DLG2: variants seen among roughly 807,000 people sequenced by gnomAD.
The protein encoded by DLG2 is discs large MAGUK scaffold protein 2.
In DLG2, 45 loss-of-function variants were observed where a neutral mutation model predicts 132.5. That is an observed-to-expected ratio of 0.34 (90% CI 0.27 to 0.44). The LOEUF (loss-of-function observed/expected upper bound fraction) is 0.44. DLG2 is among the 20% of genes least tolerant of loss of function. The pLI is 1.00. For synonymous variants in DLG2, 424 were observed against 419.6 expected, an observed-to-expected ratio of 1.01 and a Z score of -0.13; for missense variants, 1,045 against 1,196.9, an observed-to-expected ratio of 0.87 and a Z score of 1.87.
At chr11:85,584,047 G>A (rs2078799823) in intron 3 of DLG2, among the ~76,000 whole-genome samples, 4 of 151,876 alleles carry the variant, frequency 2.6e-5, no homozygotes, top group Admixed American at 2.6e-4. Context: ...AAACAGGTGG[G>A]GTTTACTGCA....
chr11:84,274,967 C>A (rs965379027), intron 7 of DLG2, among the ~76,000 whole-genome samples: 3 of 152,140 alleles, frequency 2.0e-5, no homozygotes, highest in Admixed American at 2.0e-4. Context: ...ACCAGCCAGC[C>A]CACAACTTTC....
chr11:85,581,265 C>T (rs2078497695), intron 3 of DLG2, among the ~76,000 whole-genome samples: 1 of 152,236 alleles, frequency 6.6e-6, no homozygotes, highest in South Asian at 2.1e-4. Context: ...CTGGTTGGCT[C>T]CCTTAACTCC....
chr11:83,882,691 G>A (rs975755398), intron 15 of DLG2, among the ~76,000 whole-genome samples: 7 of 152,100 alleles, frequency 4.6e-5, no homozygotes, highest in Non-Finnish European at 7.3e-5. Flanking sequence ...ATTAAGACAT[G>A]CAGGCAGTTT....
intron 12 of DLG2, among the ~76,000 whole-genome samples, chr11:83,973,015 T>C (rs1592128882): frequency 6.6e-6 from 1 of 152,244 alleles, no homozygotes; most frequent in East Asian, 1.9e-4. Context: ...TTTACTCAAA[T>C]TTCTTCTCTA....
At chr11:84,715,405 C>G (rs1326729242) in intron 6 of DLG2, among the ~76,000 whole-genome samples, 1 of 151,954 alleles carries the variant, frequency 6.6e-6, no homozygotes, top group African/African-American at 2.4e-5. Flanking sequence ...TACCTAAAAT[C>G]TACTCTCTTA....
At chr11:84,649,220 C>A (rs1341029484) in intron 6 of DLG2, among the ~76,000 whole-genome samples, 1 of 152,088 alleles carries the variant, frequency 6.6e-6, no homozygotes, top group Non-Finnish European at 1.5e-5. Flanking sequence ...TTGAATATGA[C>A]CATTAAGGAT....
At chr11:84,837,753 C>T (rs2080016476) in intron 6 of DLG2, among the ~76,000 whole-genome samples, 2 of 151,930 alleles carry the variant, frequency 1.3e-5, no homozygotes, top group Non-Finnish European at 2.9e-5. Flanking sequence ...ATATCAGTGC[C>T]TTGATAAGTG....
At chr11:84,587,926 G>A (rs1377144932) in intron 6 of DLG2, among the ~76,000 whole-genome samples, 1 of 152,138 alleles carries the variant, frequency 6.6e-6, no homozygotes, top group Non-Finnish European at 1.5e-5. Flanking sequence ...CTGAACCATG[G>A]TGATCATAAC....
chr11:84,369,774 G>A (rs577846106), intron 7 of DLG2, among the ~76,000 whole-genome samples: 40 of 152,142 alleles, frequency 2.6e-4, no homozygotes, highest in South Asian at 2.1e-4. Context: ...GGTCAGATAC[G>A]CTAACAGGGA....
chr11:84,982,249 C>T (rs1037813423), intron 6 of DLG2, among the ~76,000 whole-genome samples: 3 of 152,040 alleles, frequency 2.0e-5, no homozygotes, highest in Non-Finnish European at 4.4e-5. Context: ...TCTGAGTACC[C>T]AACTGCCTGT....
At chr11:83,743,220 A>G (rs1186287364) in intron 18 of DLG2, among the ~76,000 whole-genome samples, 1 of 152,096 alleles carries the variant, frequency 6.6e-6, no homozygotes, top group Admixed American at 6.5e-5. Context: ...ACTACCCTCC[A>G]TAGTCTTCTA....
At chr11:85,216,849 C>T (rs2082642785) in intron 4 of DLG2, among the ~76,000 whole-genome samples, 1 of 152,060 alleles carries the variant, frequency 6.6e-6, no homozygotes, top group African/African-American at 2.4e-5. Flanking sequence ...GCACCTGCCA[C>T]CACGCCCAGC....
At chr11:83,793,323 G>T (rs1320338542) in intron 17 of DLG2, among the ~76,000 whole-genome samples, 1 of 151,362 alleles carries the variant, frequency 6.6e-6, no homozygotes, top group Non-Finnish European at 1.5e-5. Context: ...TTCTTTTTTG[G>T]CTCTTAAGTT....
At chr11:84,200,614 T>C (rs2154298562) in intron 8 of DLG2, among the ~76,000 whole-genome samples, 1 of 152,328 alleles carries the variant, frequency 6.6e-6, no homozygotes, top group South Asian at 2.1e-4. Flanking sequence ...GTGTACTCTC[T>C]GATTTCTTTG....
chr11:84,626,468 G>C (rs2099622667), intron 6 of DLG2, among the ~76,000 whole-genome samples: 1 of 152,190 alleles, frequency 6.6e-6, no homozygotes, highest in Non-Finnish European at 1.5e-5. Context: ...GGAAGCATGT[G>C]GGACTTAGGG....
At chr11:83,914,612 T>TA (rs1231480104) in intron 15 of DLG2, among the ~76,000 whole-genome samples, 1 of 152,168 alleles carries the variant, frequency 6.6e-6, no homozygotes, top group East Asian at 1.9e-4. Flanking sequence ...GGATACTTTT[T>TA]AAAAAATTCT....
chr11:84,386,107 T>C (rs2098768965), intron 7 of DLG2, among the ~76,000 whole-genome samples: 1 of 152,042 alleles, frequency 6.6e-6, no homozygotes, highest in Non-Finnish European at 1.5e-5. Flanking sequence ...AATATATGTA[T>C]TTGTATTTCC....
intron 3 of DLG2, among the ~76,000 whole-genome samples, chr11:85,391,553 A>T (rs577179572): frequency 6.6e-6 from 1 of 152,260 alleles, no homozygotes; most frequent in African/African-American, 2.4e-5. Context: ...ATACTAGCTA[A>T]CAGAATCCAA....
At chr11:84,191,014 A>C (rs1321986374) in intron 8 of DLG2, among the ~76,000 whole-genome samples, 1 of 152,236 alleles carries the variant, frequency 6.6e-6, no homozygotes, top group African/African-American at 2.4e-5. Context: ...AATAAAGAAC[A>C]TCAGTTCAAA....
Sources: gnomAD v4.1 joint callset for allele counts (sites outside exome capture counted in the v4.1 genomes callset) on GRCh38, gnomAD v4.1.1 for gene constraint, MANE v1.5 for transcripts, NCBI Gene and HGNC (gene_info 2026-07-23, HGNC 2026-07-21) for gene names.